PDE8B: variants seen among roughly 807,000 people sequenced by gnomAD.
PDE8B encodes the protein phosphodiesterase 8B.
A neutral mutation model predicts 101.3 loss-of-function variants in PDE8B; 26 were observed. The observed-to-expected ratio is 0.26, with a 90% CI of 0.19 to 0.36. PDE8B has a LOEUF of 0.36. PDE8B is among the 10% of genes least tolerant of loss of function. The pLI is 1.00. For synonymous variants in PDE8B, 424 were observed against 429.3 expected (o/e 0.99, Z 0.15); for missense variants, 810 against 1,163.1 (o/e 0.70, Z 4.42).
At chr5:77,295,042 A>G (rs1374467825) in intron 1 of PDE8B, among the ~76,000 whole-genome samples, 1 of 152,068 alleles carries the variant, frequency 6.6e-6, no homozygotes, top group East Asian at 1.9e-4. Flanking sequence ...TAATTGCACT[A>G]TAAAGGAAAA....
intron 1 of PDE8B, among the ~76,000 whole-genome samples, chr5:77,259,543 C>T (rs560451288): frequency 1.3e-5 from 2 of 152,308 alleles, no homozygotes; most frequent in Non-Finnish European, 2.9e-5. Context: ...CTCCAGCAAG[C>T]ACATTGCTCC....
At chr5:77,134,793 G>A in the PDE8B span, among the ~76,000 whole-genome samples, 1 of 152,156 alleles carries the variant, frequency 6.6e-6, no homozygotes, top group African/African-American at 2.4e-5. Context: ...ATGACTATGG[G>A]TTGCGATCTC....
intron 1 of PDE8B, among the ~76,000 whole-genome samples, chr5:77,294,935 C>G (rs1006469125): frequency 6.7e-6 from 1 of 150,328 alleles, no homozygotes; most frequent in Non-Finnish European, 1.5e-5. Context: ...TATAACTCCT[C>G]TATATAATAG....
At chr5:77,180,422 A>G in the PDE8B span, 11,826 of 984,328 alleles carry the variant, frequency 0.012, 109 homozygotes, top group African/African-American at 0.041. Flanking sequence ...GGGCACCACC[A>G]GGGCGCCCAG....
At chr5:77,309,219 A>C (rs1470244292) in intron 1 of PDE8B, among the ~76,000 whole-genome samples, 2 of 37,978 alleles carry the variant, frequency 5.3e-5, no homozygotes, top group Non-Finnish European at 4.8e-5. Context: ...GAAGGAAGGG[A>C]GGGAGGGAGG....
chr5:77,334,495 T>C (rs889409473), intron 5 of PDE8B, among the ~76,000 whole-genome samples: 1 of 152,222 alleles, frequency 6.6e-6, no homozygotes, highest in Non-Finnish European at 1.5e-5. Context: ...CAAGTGTTTA[T>C]GGAGTTCTGC....
intron 3 of PDE8B, among the ~76,000 whole-genome samples, chr5:77,326,233 C>A (rs533655839): frequency 6.6e-6 from 1 of 152,280 alleles, no homozygotes; most frequent in African/African-American, 2.4e-5. Context: ...GGACCAAAAC[C>A]CCCTGCTTGT....
chr5:77,375,889 C>CTTTTT (rs70988668), intron 10 of PDE8B, among the ~76,000 whole-genome samples: 16,654 of 107,760 alleles, frequency 0.15, 1,703 homozygotes, highest in Non-Finnish European at 0.21. Flanking sequence ...GCCTTGATTT[C>CTTTTT]TTTTTTTTTT....
intron 1 of PDE8B, among the ~76,000 whole-genome samples, chr5:77,216,547 A>C (rs1471669357): frequency 5.3e-5 from 8 of 152,204 alleles, no homozygotes; most frequent in African/African-American, 1.9e-4. Context: ...TCCCTCCCAC[A>C]ACACATGGGA....
the PDE8B span, chr5:77,151,122 A>G: frequency 2.0e-5 from 3 of 152,244 alleles, no homozygotes; most frequent in African/African-American, 7.2e-5. Context: ...TTATAAGTAG[A>G]TTGGGGCCAT....
chr5:77,090,439 A>AT, the PDE8B span, among the ~76,000 whole-genome samples: 1 of 151,798 alleles, frequency 6.6e-6, no homozygotes, highest in Non-Finnish European at 1.5e-5. Flanking sequence ...ACACCCATTA[A>AT]TTTTTTTGTA....
At chr5:77,290,989 T>G (rs1307692210) in intron 1 of PDE8B, 19 of 1,611,848 alleles carry the variant, frequency 1.2e-5, no homozygotes, top group Middle Eastern at 1.6e-4. Flanking sequence ...CGAGTGAACC[T>G]GCTGTCCTTC....
At position 77,211,116 on chromosome 5, in the gene PDE8B, T is replaced by C; in HGVS notation, c.191T>C (p.Val64Ala). The C allele has an allele frequency of 2.0e-6, 3 of 1,504,804 alleles. No homozygotes were observed. The highest frequency in any genetic ancestry group is 3.9e-4 in the Middle Eastern group (2 of 5,148). 93.2% of individuals were successfully genotyped at this position (1,504,804 alleles called of 1,614,324 possible). A position where few individuals can be genotyped will look rare whatever the true frequency, so the allele number is the denominator to read the frequency against. Residue 64 changes from valine to alanine, a missense_variant, in exon 1 of 22, where the codon GTA (valine) becomes GCA (alanine). By Grantham distance (64) the Val-to-Ala change is moderately conservative (BLOSUM62 0). Coordinates refer to ENST00000264917, the MANE Select transcript of PDE8B (RefSeq NM_003719.5). This position sits in a 1 kb window ranked among gnomAD's most constrained non-coding sequence, Gnocchi z 4.1. ...AGCCGCGCGTCGGGACCCCCCAGCG[T>C]AGCCCGCGTCCGCAGGGCCCGCACC... ...PPSRASGPPS[V>A]ARVRRARTEL...
chr5:77,285,479 A>G (rs1290332978), intron 1 of PDE8B, among the ~76,000 whole-genome samples: 2 of 151,970 alleles, frequency 1.3e-5, no homozygotes, highest in Non-Finnish European at 2.9e-5. Flanking sequence ...TTTACCAGTC[A>G]TCTGAATCAT....
chr5:77,204,770 A>G, the PDE8B span, among the ~76,000 whole-genome samples: 1 of 152,058 alleles, frequency 6.6e-6, no homozygotes, highest in Non-Finnish European at 1.5e-5. Flanking sequence ...TTCCCTTCCC[A>G]ATGACCATAA....
At chr5:77,364,529 G>C (rs1032371529) in intron 10 of PDE8B, among the ~76,000 whole-genome samples, 1 of 152,180 alleles carries the variant, frequency 6.6e-6, no homozygotes. Flanking sequence ...TTCTCACCCT[G>C]GTTTGCTGAA....
At chr5:77,151,696 A>AG in the PDE8B span, among the ~76,000 whole-genome samples, 6 of 152,216 alleles carry the variant, frequency 3.9e-5, no homozygotes, top group African/African-American at 1.4e-4. Flanking sequence ...GAAGCAAGCA[A>AG]GGGGGAGAAA....
In PDE8B at chr5:77,421,931, C is replaced by T. The variant is rs1207478245; in HGVS notation, c.2361C>T (p.Arg787=). Residue 787 remains arginine (R), a synonymous_variant, in exon 20 of 22, where the codon CGC becomes CGT. Transcript: ENST00000264917. ...IKCADVANPC[R]PLDLCIEWAG... ...GTGCTGACGTGGCCAACCCATGCCG[C>T]CCCTTGGACCTGTGCATTGAATGGG... 1 of 1,614,144 alleles carries T rather than the reference C, an allele frequency of 6.2e-7. No homozygotes were observed. Among genetic ancestry groups the T allele is most frequent in the African/African-American group, 1.3e-5 (1 of 75,046 alleles).
At chr5:77,347,983 G>A (rs1345650997) in intron 7 of PDE8B, among the ~76,000 whole-genome samples, 1 of 152,086 alleles carries the variant, frequency 6.6e-6, no homozygotes, top group Non-Finnish European at 1.5e-5. Flanking sequence ...CAGTAATGGG[G>A]CCAGGAGGGG....
Sources: allele counts gnomAD v4.1 joint callset (sites outside exome capture counted in the v4.1 genomes callset), GRCh38; gene constraint gnomAD v4.1.1; non-coding constraint Gnocchi (gnomAD v3.1); transcripts MANE v1.5; gene names NCBI Gene and HGNC (gene_info 2026-07-23, HGNC 2026-07-21).